Variants in COL5A2 observed in about 807,000 individuals in gnomAD.
The protein encoded by COL5A2 is collagen alpha-2(V) chain.
COL5A2 carries 23 observed loss-of-function variants against 208.2 expected under a neutral mutation model. That is an observed-to-expected ratio of 0.11 (90% CI 0.08 to 0.16). COL5A2 has a LOEUF of 0.16. Among genes scored for constraint, COL5A2 ranks in the 10% least tolerant of loss-of-function variants. COL5A2 has a pLI of 1.00. For missense variants in COL5A2, 1,590 were observed against 1,956.4 expected (o/e 0.81, Z 3.53); for synonymous variants, 625 against 628.5 (o/e 0.99, Z 0.08).
intron 16 of COL5A2, among the ~76,000 whole-genome samples, chr2:189,077,516 T>C (rs1686435033): frequency 6.6e-6 from 1 of 152,156 alleles, no homozygotes; most frequent in African/African-American, 2.4e-5. Context: ...TAGCCAATGC[T>C]GGGGCAGAAA....
chr2:189,215,767 T>A (rs1689271549), intron 1 of COL5A2, among the ~76,000 whole-genome samples: 1 of 152,166 alleles, frequency 6.6e-6, no homozygotes, highest in Admixed American at 6.6e-5. Context: ...AGTTTCCCTG[T>A]CCAGAATTCA....
rs762323131 is a variant in COL5A2, at chr2:189,179,730, C to T, written c.-126G>A. ...GCCCCAGGGCAGCCTCTGCAAACCC[C>T]CTTTTTCAGCACCAGCTCCAGCACA... On this transcript the variant is annotated 5_prime_UTR_variant, in exon 1 of 54. Coordinates refer to ENST00000374866, the MANE Select transcript of COL5A2 (RefSeq NM_000393.5). 6.0e-6 allele frequency: 9 copies of T among 1,506,644 alleles called. No individual in the cohort carries two copies. Among genetic ancestry groups the T allele is most frequent in the Non-Finnish European group, 6.3e-6 (7 of 1,119,656 alleles). The allele number at this position is 1,506,644 out of a possible 1,614,324, so 93.3% of individuals were successfully genotyped here.
intron 1 of COL5A2, among the ~76,000 whole-genome samples, chr2:189,134,817 A>G (rs2105761101): frequency 6.6e-6 from 1 of 152,294 alleles, no homozygotes; most frequent in East Asian, 1.9e-4. Context: ...AAAATCAGGA[A>G]AATAGGGTGG....
chr2:189,073,485 C>G (rs563592079), intron 17 of COL5A2, among the ~76,000 whole-genome samples: 1 of 152,096 alleles, frequency 6.6e-6, no homozygotes, highest in Non-Finnish European at 1.5e-5. Flanking sequence ...TTAAAAAATA[C>G]TGATTTCTGA....
the COL5A2 span, among the ~76,000 whole-genome samples, chr2:189,324,608 A>G: frequency 2.6e-5 from 1 of 38,304 alleles, no homozygotes; most frequent in African/African-American, 4.5e-5. Context: ...AATCTAAACC[A>G]CAAATGAGAT....
intron 1 of COL5A2, among the ~76,000 whole-genome samples, chr2:189,154,066 T>C (rs1688197827): frequency 6.6e-6 from 1 of 152,104 alleles, no homozygotes; most frequent in East Asian, 1.9e-4. Context: ...TTATAGTGTC[T>C]TGAAGTAATA....
the COL5A2 span, among the ~76,000 whole-genome samples, chr2:189,416,550 G>A: frequency 6.6e-6 from 1 of 152,062 alleles, no homozygotes; most frequent in Non-Finnish European, 1.5e-5. Context: ...ATCACACACC[G>A]GGGACTGTTG....
At chr2:189,178,088 C>T (rs1688710324) in intron 1 of COL5A2, among the ~76,000 whole-genome samples, 1 of 151,782 alleles carries the variant, frequency 6.6e-6, no homozygotes, top group African/African-American at 2.4e-5. Flanking sequence ...TTATTTTTGC[C>T]ACCCTTCCAA....
the COL5A2 span, among the ~76,000 whole-genome samples, chr2:189,296,932 T>A: frequency 6.6e-6 from 1 of 152,214 alleles, no homozygotes; most frequent in Non-Finnish European, 1.5e-5. Flanking sequence ...AGTTATTGGA[T>A]TCTGCCACCA....
the COL5A2 span, among the ~76,000 whole-genome samples, chr2:189,412,577 G>T: frequency 1.3e-5 from 2 of 152,062 alleles, no homozygotes; most frequent in Non-Finnish European, 2.9e-5. Flanking sequence ...TTGCAGTTGT[G>T]GCTTCAGTTT....
At chr2:189,219,928 C>T (rs1369835219) in intron 1 of COL5A2, among the ~76,000 whole-genome samples, 6 of 151,990 alleles carry the variant, frequency 3.9e-5, no homozygotes, top group Admixed American at 1.3e-4. Flanking sequence ...ATACTGTCAT[C>T]GTGAAATTCT....
At chr2:189,142,975 T>G (rs1006397152) in intron 1 of COL5A2, among the ~76,000 whole-genome samples, 5 of 152,192 alleles carry the variant, frequency 3.3e-5, no homozygotes, top group African/African-American at 9.7e-5. Flanking sequence ...CATTCTTAAG[T>G]AAATATTTTC....
rs1235098963 is a variant in COL5A2 at position 189,224,551 on chromosome 2, T to C, written c.-42+597A>G. Among the ~76,000 whole-genome samples the C allele has an allele frequency of 5.3e-5, 8 of 151,910 alleles. No homozygotes were observed. In the East Asian group the frequency reaches 1.6e-3, roughly 30 times the overall value. ...TAAAAATACAAAAATTAGCTGGGCA[T>C]GGTGGCACACGCCTATAGTCACAGC... is the stretch of plus-strand genomic sequence containing the variant. On this transcript the variant is annotated intron_variant, in intron 1 of 10. Coordinates refer to the COL5A2 transcript ENST00000649966.
intron 52 of COL5A2, 102 bp from the exon 53 acceptor site, chr2:189,035,257 T>G: frequency 1.4e-6 from 2 of 1,441,050 alleles, no homozygotes; most frequent in Non-Finnish European, 1.9e-6. Context: ...ATAAATCAAT[T>G]TTGAAGAGTA....
At chr2:189,052,628 G>C (rs1685815021) in intron 40 of COL5A2, 121 bp downstream of exon 40, 2 of 1,007,676 alleles carry the variant, frequency 2.0e-6, no homozygotes, top group African/African-American at 1.6e-5. Flanking sequence ...CTATAGTACA[G>C]TTGATACAGG....
At chr2:189,122,977 T>C (rs1687536800) in intron 1 of COL5A2, among the ~76,000 whole-genome samples, 1 of 152,120 alleles carries the variant, frequency 6.6e-6, no homozygotes, top group Non-Finnish European at 1.5e-5. Context: ...TAATTTTTTT[T>C]TTTTGAGATG....
At chr2:189,056,670 AC>A in intron 35 of COL5A2, 5 of 429,724 alleles carry the variant, frequency 1.2e-5, no homozygotes, top group Non-Finnish European at 2.1e-5. Flanking sequence ...TAGCATTTTA[AC>A]AGAAATAAAC....
upstream of COL5A2, among the ~76,000 whole-genome samples, chr2:189,226,752 G>T (rs1184190350): frequency 6.6e-6 from 1 of 152,110 alleles, no homozygotes; most frequent in Admixed American, 6.6e-5. Context: ...GGAGGAAAGA[G>T]AAAAGTGGAA....
At chr2:189,424,628 C>A in the COL5A2 span, among the ~76,000 whole-genome samples, 2 of 151,890 alleles carry the variant, frequency 1.3e-5, no homozygotes, top group Non-Finnish European at 2.9e-5. Flanking sequence ...TGAAAGAAAT[C>A]TACACTGAAA....
Sources: gnomAD v4.1 joint callset for allele counts (sites outside exome capture counted in the v4.1 genomes callset) on GRCh38, gnomAD v4.1.1 for gene constraint, MANE v1.5 for transcripts, NCBI Gene and HGNC (gene_info 2026-07-23, HGNC 2026-07-21) for gene names.